Variants in KPNA1 observed in about 807,000 individuals in gnomAD.
KPNA1 encodes importin subunit alpha-5.
In KPNA1, 10 loss-of-function variants were observed where a neutral mutation model predicts 70.5. The ratio of observed to expected loss-of-function variants is 0.14; its 90% CI spans 0.09 to 0.24. The LOEUF (loss-of-function observed/expected upper bound fraction) is 0.24. KPNA1 is among the 10% of genes least tolerant of loss of function. The probability of loss-of-function intolerance (pLI) is 1.00; values close to 1 mark genes in which losing one functional copy is unlikely to be tolerated. For synonymous variants in KPNA1, 192 were observed against 221.9 expected (o/e 0.87, Z 1.20); for missense variants, 397 against 637.9 (o/e 0.62, Z 4.07).
At chr3:122,490,471 C>G (rs138776580) in intron 2 of KPNA1, among the ~76,000 whole-genome samples, 1 of 152,316 alleles carries the variant, frequency 6.6e-6, no homozygotes, top group African/African-American at 2.4e-5. Context: ...GGTCCTAATA[C>G]TCCATTTTGG....
At chr3:122,496,712 G>T in intron 1 of KPNA1, 142 bp from the exon 2 acceptor site, 1 of 673,262 alleles carries the variant, frequency 1.5e-6, no homozygotes, top group Non-Finnish European at 2.5e-6. Flanking sequence ...CCCCACTCCT[G>T]TCTTTTTTGA....
chr3:122,508,303 A>C (rs2076914178), intron 1 of KPNA1, among the ~76,000 whole-genome samples: 1 of 152,178 alleles, frequency 6.6e-6, no homozygotes, highest in Non-Finnish European at 1.5e-5. Context: ...AATAAGAAAC[A>C]AGCTGATTCA....
At chr3:122,460,648 GAA>G (rs1218854248) in intron 5 of KPNA1, 528 of 478,724 alleles carry the variant, frequency 1.1e-3, no homozygotes, top group Middle Eastern at 2.1e-3. Flanking sequence ...AGAAAAAGAA[GAA>G]AAAAAAAAAA....
Position 122,451,635 on chromosome 3 carries a change from T to A in KPNA1, c.654-2A>T. The A allele has an allele frequency of 6.3e-7, 1 of 1,595,790 alleles. No homozygotes were observed. ...AGGCGGTTTTGCTTTGAAAATAACC[T>A]AAAAGCACGATGGTACAATGGTAAA... On this transcript the variant is annotated splice_acceptor_variant, in intron 7 of 13. Transcript: ENST00000344337. LOFTEE classifies it high-confidence loss of function.
At chr3:122,452,176 T>C (rs1173926873) in intron 6 of KPNA1, 112 bp from the exon 7 acceptor site, 23 of 767,902 alleles carry the variant, frequency 3.0e-5, no homozygotes, top group Non-Finnish European at 4.4e-5. Context: ...ATGAAACAGT[T>C]GTAGGATTGG....
At chr3:122,446,825 T>C (rs1274579359) in intron 9 of KPNA1, among the ~76,000 whole-genome samples, 1 of 152,098 alleles carries the variant, frequency 6.6e-6, no homozygotes, top group African/African-American at 2.4e-5. Context: ...CAATAAAAAA[T>C]GATAAAGGGG....
intron 10 of KPNA1, among the ~76,000 whole-genome samples, chr3:122,439,697 G>A (rs1315008832): frequency 3.9e-5 from 6 of 152,148 alleles, no homozygotes; most frequent in African/African-American, 1.4e-4. Context: ...GGAATAAATT[G>A]AGAAGAGTAA....
intron 10 of KPNA1, among the ~76,000 whole-genome samples, chr3:122,441,003 T>C (rs993606205): frequency 6.6e-6 from 1 of 152,236 alleles, no homozygotes; most frequent in Admixed American, 6.5e-5. Flanking sequence ...GCATTAAATG[T>C]ATTGCTGAAA....
At chr3:122,489,574 CTTT>C (rs1164258348) in intron 2 of KPNA1, among the ~76,000 whole-genome samples, 1 of 152,084 alleles carries the variant, frequency 6.6e-6, no homozygotes, top group Non-Finnish European at 1.5e-5. Flanking sequence ...CTGGCAGAGT[CTTT>C]TTTTATCTTC....
At chr3:122,493,470 G>A (rs1458658705) in intron 2 of KPNA1, among the ~76,000 whole-genome samples, 6 of 152,112 alleles carry the variant, frequency 3.9e-5, no homozygotes, top group Non-Finnish European at 5.9e-5. Flanking sequence ...AGCCTATGGA[G>A]GGATATACTG....
intron 1 of KPNA1, among the ~76,000 whole-genome samples, chr3:122,509,457 G>A (rs1023096591): frequency 1.3e-5 from 2 of 152,052 alleles, no homozygotes; most frequent in Non-Finnish European, 2.9e-5. Context: ...ATAGCAGAAA[G>A]GCAACTCAGG....
intron 5 of KPNA1, 57 bp from the exon 6 acceptor site, chr3:122,454,058 TATAAC>T: frequency 3.2e-6 from 4 of 1,241,564 alleles, no homozygotes; most frequent in East Asian, 2.6e-5. Flanking sequence ...TTTGTTTACT[TATAAC>T]AGTAACATTT....
At chr3:122,506,393 C>CT in intron 1 of KPNA1, among the ~76,000 whole-genome samples, 1 of 152,110 alleles carries the variant, frequency 6.6e-6, no homozygotes, top group African/African-American at 2.4e-5. Flanking sequence ...GTGTTCAGTT[C>CT]ATTTGAAAAT....
At chr3:122,465,263 CCAT>C (rs1467110763) in intron 3 of KPNA1, among the ~76,000 whole-genome samples, 6 of 152,168 alleles carry the variant, frequency 3.9e-5, no homozygotes, top group Non-Finnish European at 7.3e-5. Flanking sequence ...CCCACTAATC[CCAT>C]CATAAGTTGA....
At chr3:122,468,886 G>A (rs539672652) in intron 2 of KPNA1, among the ~76,000 whole-genome samples, 14 of 152,222 alleles carry the variant, frequency 9.2e-5, no homozygotes, top group Admixed American at 7.2e-4. Flanking sequence ...AATCTCATTC[G>A]AAATCTTTAA....
chr3:122,467,499 T>G, intron 2 of KPNA1, 70 bp from the exon 3 acceptor site: 4 of 848,958 alleles, frequency 4.7e-6, no homozygotes, highest in Non-Finnish European at 7.5e-6. Context: ...ATTCAAATAC[T>G]AGGCACCCCA....
intron 5 of KPNA1, chr3:122,457,910 C>T (rs2076282128): frequency 1.6e-6 from 2 of 1,264,352 alleles, no homozygotes; most frequent in African/African-American, 1.5e-5. Context: ...GCAAACTCTG[C>T]AGAGAACAGT....
At chr3:122,463,315 T>A (rs113574798) in intron 4 of KPNA1, among the ~76,000 whole-genome samples, 2,436 of 147,944 alleles carry the variant, frequency 0.016, 68 homozygotes, top group African/African-American at 0.059. Flanking sequence ...GCCACTGTAC[T>A]CCAGCCTGGG....
chr3:122,465,736 C>A (rs879706539), intron 3 of KPNA1, among the ~76,000 whole-genome samples: 1 of 152,214 alleles, frequency 6.6e-6, no homozygotes, highest in South Asian at 2.1e-4. Flanking sequence ...CCTGTCTCTA[C>A]TAAAACTACA....
Sources: allele counts gnomAD v4.1 joint callset (sites outside exome capture counted in the v4.1 genomes callset), GRCh38; gene constraint gnomAD v4.1.1; transcripts MANE v1.5; gene names NCBI Gene and HGNC (gene_info 2026-07-23, HGNC 2026-07-21).